The following MTFR1 variants were observed in gnomAD, a reference collection of about 807,000 sequenced individuals.
MTFR1 encodes mitochondrial fission regulator 1, also known as chondrocyte protein with a poly-proline region.
Under a neutral mutation model 38.8 loss-of-function variants are expected in MTFR1, and 28 were observed. The observed-to-expected ratio is 0.72, with a 90% confidence interval of 0.53 to 0.99. MTFR1 has a LOEUF of 0.99. Among genes scored for constraint, MTFR1 ranks in the 50% least tolerant of loss-of-function variants. MTFR1 has a pLI of 0.00. For synonymous variants in MTFR1, 145 were observed against 137.0 expected (o/e 1.06, Z -0.41); for missense variants, 358 against 395.5 (o/e 0.91, Z 0.81).
chr8:65,680,945 G>T (rs1373377503), intron 2 of MTFR1, among the ~76,000 whole-genome samples: 14 of 124,408 alleles, frequency 1.1e-4, no homozygotes, highest in Non-Finnish European at 2.0e-4. Context: ...TCGCTCTGTC[G>T]CCCAGGCCGG....
chr8:65,726,958 T>G, intron 3 of MTFR1: 1 of 1,585,218 alleles, frequency 6.3e-7, no homozygotes, highest in Non-Finnish European at 8.7e-7. Context: ...TTTCCAGTAC[T>G]GAGGTATTCT....
intron 3 of MTFR1, chr8:65,720,404 A>G (rs1368407058): frequency 6.5e-6 from 1 of 154,084 alleles, no homozygotes; most frequent in Non-Finnish European, 1.5e-5. Context: ...CATATCCAAG[A>G]CTCTCGTTGC....
At chr8:65,754,198 C>T (rs1240417477) in intron 3 of MTFR1, among the ~76,000 whole-genome samples, 1 of 152,026 alleles carries the variant, frequency 6.6e-6, no homozygotes. Flanking sequence ...CCATGTTTTT[C>T]TGCTTGCTTT....
chr8:65,743,215 T>C (rs1219403009), intron 3 of MTFR1, among the ~76,000 whole-genome samples: 1 of 152,136 alleles, frequency 6.6e-6, no homozygotes, highest in East Asian at 1.9e-4. Context: ...TAAAATAATA[T>C]TTGTGTTAAG....
chr8:65,692,812 A>C (rs767883901), intron 3 of MTFR1, among the ~76,000 whole-genome samples: 1 of 151,960 alleles, frequency 6.6e-6, no homozygotes, highest in Admixed American at 6.6e-5. Flanking sequence ...ATACATATAT[A>C]AAAACATTGA....
chr8:65,661,143 C>T (rs1435273290), intron 1 of MTFR1, among the ~76,000 whole-genome samples: 1 of 152,158 alleles, frequency 6.6e-6, no homozygotes, highest in African/African-American at 2.4e-5. Flanking sequence ...ATGGTGGATA[C>T]ATATCATTAT....
At chr8:65,700,602 A>T (rs531201649) in intron 4 of MTFR1, among the ~76,000 whole-genome samples, 5 of 152,166 alleles carry the variant, frequency 3.3e-5, no homozygotes, top group Non-Finnish European at 7.3e-5. Context: ...CTTTCATAGT[A>T]GTATTCTAAG....
chr8:65,727,472 G>T, intron 3 of MTFR1: 1 of 814,952 alleles, frequency 1.2e-6, no homozygotes, highest in Non-Finnish European at 1.9e-6. Flanking sequence ...GCCAGGTCCT[G>T]ATCTCATCAC....
At chr8:65,673,157 G>A (rs1804609807) in intron 2 of MTFR1, among the ~76,000 whole-genome samples, 1 of 152,120 alleles carries the variant, frequency 6.6e-6, no homozygotes, top group African/African-American at 2.4e-5. Flanking sequence ...CTTTTCACTT[G>A]AACACTTGGA....
chr8:65,708,139 C>T, intron 7 of MTFR1, 128 bp downstream of exon 7: 2 of 1,584,158 alleles, frequency 1.3e-6, no homozygotes, highest in African/African-American at 1.3e-5. Context: ...AGGATTTGGT[C>T]CCTGCCTTAC....
intron 3 of MTFR1, among the ~76,000 whole-genome samples, chr8:65,754,624 C>T (rs1033023152): frequency 7.9e-5 from 12 of 151,150 alleles, no homozygotes; most frequent in Admixed American, 1.3e-4. Flanking sequence ...GCTGAGCCAC[C>T]ATGCCCAGCC....
intron 5 of MTFR1, 125 bp downstream of exon 5, chr8:65,705,054 G>A (rs568937260): frequency 2.3e-5 from 19 of 819,200 alleles, no homozygotes; most frequent in Non-Finnish European, 3.4e-5. Context: ...ATCCAGGTAC[G>A]GTGGCGCATG....
intron 2 of MTFR1, among the ~76,000 whole-genome samples, chr8:65,672,522 T>C (rs1804591953): frequency 6.6e-6 from 1 of 152,100 alleles, no homozygotes; most frequent in Non-Finnish European, 1.5e-5. Flanking sequence ...TCACTTTTTT[T>C]TTTTCTTTGA....
downstream of MTFR1, among the ~76,000 whole-genome samples, chr8:65,713,485 A>G (rs78118887): frequency 8.4e-6 from 1 of 119,538 alleles, no homozygotes; most frequent in Admixed American, 8.8e-5. Context: ...CACACACACA[A>G]ACAAAACAAA....
chr8:65,701,954 A>G (rs1162661968), intron 4 of MTFR1, among the ~76,000 whole-genome samples: 1 of 152,246 alleles, frequency 6.6e-6, no homozygotes, highest in Non-Finnish European at 1.5e-5. Flanking sequence ...ATTCTTCATT[A>G]CTTGACAGTA....
At chr8:65,646,084 C>T (rs960632719) in intron 1 of MTFR1, among the ~76,000 whole-genome samples, 1 of 152,128 alleles carries the variant, frequency 6.6e-6, no homozygotes, top group Non-Finnish European at 1.5e-5. Context: ...ATAATCTAGA[C>T]AGTAGTGCTC....
chr8:65,699,159 C>T (rs2129057548), intron 4 of MTFR1, among the ~76,000 whole-genome samples: 1 of 152,318 alleles, frequency 6.6e-6, no homozygotes, highest in African/African-American at 2.4e-5. Context: ...CATGTTGCTG[C>T]AAAGGAATGA....
At chr8:65,693,514 A>G (rs1805344351) in intron 3 of MTFR1, 130 bp from the exon 4 acceptor site, 2 of 653,472 alleles carry the variant, frequency 3.1e-6, no homozygotes, top group Non-Finnish European at 5.5e-6. Flanking sequence ...GGAGACCTTC[A>G]GTGGAAGAGT....
intron 3 of MTFR1, among the ~76,000 whole-genome samples, chr8:65,757,065 C>G (rs537381528): frequency 6.6e-6 from 1 of 152,262 alleles, no homozygotes; most frequent in Non-Finnish European, 1.5e-5. Context: ...TCCCTGAATG[C>G]GGTCCTCTTG....
Sources: gnomAD v4.1 joint callset for allele counts (sites outside exome capture counted in the v4.1 genomes callset) on GRCh38, gnomAD v4.1.1 for gene constraint, MANE v1.5 for transcripts, NCBI Gene and HGNC (gene_info 2026-07-23, HGNC 2026-07-21) for gene names.